IRF2: variants seen among roughly 807,000 people sequenced by gnomAD.
IRF2 encodes interferon regulatory factor 2.
In IRF2, 15 loss-of-function variants were observed where a neutral mutation model predicts 40.6. That is an observed-to-expected ratio of 0.37 (90% CI 0.25 to 0.57). IRF2 has a LOEUF of 0.57. IRF2 is among the 20% of genes least tolerant of loss of function. IRF2 has a pLI of 0.77. For missense variants in IRF2, 317 were observed against 455.7 expected (o/e 0.70, Z 2.77); for synonymous variants, 151 against 165.5 (o/e 0.91, Z 0.67).
At chr4:184,418,349 ATCT>A in intron 4 of IRF2, 136 bp from the exon 5 acceptor site, 1 of 954,766 alleles carries the variant, frequency 1.0e-6, no homozygotes, top group Non-Finnish European at 1.7e-6. Flanking sequence ...TTCCACATGT[ATCT>A]TTCACTGCCT....
In IRF2 at chr4:184,406,232, C is replaced by CT. The variant is rs11309106; in HGVS notation, c.529+1925dup. 9.6e-3 allele frequency among the ~76,000 whole-genome samples: 1,284 copies of CT among 134,386 alleles called. 15 individuals are homozygous for CT. Among genetic ancestry groups the CT allele is most frequent in the African/African-American group, 0.02 (731 of 35,718 alleles). The allele number at this position is 134,386 out of a possible 152,430, so 88.2% of individuals were successfully genotyped here. A position where few individuals can be genotyped will look rare whatever the true frequency, so the allele number is the denominator to read the frequency against. On this transcript the variant is annotated intron_variant, in intron 6 of 8. Transcript: ENST00000393593. ...AGACTCACCCAGAGCTACTTTTTAT[C>CT]TTTTTTTTTTTTTTTTTGAGGCAGT...
rs70959195 is a variant in IRF2 at position 184,419,571 on chromosome 4, G to GAAAA, written c.88-7_88-4dup. 9.6e-3 allele frequency: 8,674 copies of GAAAA among 906,446 alleles called. 14 individuals are homozygous for GAAAA. Among genetic ancestry groups the GAAAA allele is most frequent in the Admixed American group, 0.024 (856 of 36,198 alleles). 56.2% of individuals were successfully genotyped at this position (906,446 alleles called of 1,614,324 possible). On this transcript the variant is annotated splice_polypyrimidine_tract_variant and splice_region_variant and intron_variant, in intron 2 of 8. Coordinates refer to ENST00000393593, the MANE Select transcript of IRF2 (RefSeq NM_002199.4). Reference sequence around the variant, plus strand: ...GGGATCTGAAAAATCTTCTTTTCCTGAAAAAAAAAAAAAAAAAAAAGGTAA... The same window carrying GAAAA: ...GGGATCTGAAAAATCTTCTTTTCCTGAAAAAAAAAAAAAAAAAAAAAAAAGGTAA...
At chr4:184,389,365 CTA>C (rs1048125584) in intron 8 of IRF2, among the ~76,000 whole-genome samples, 1 of 152,182 alleles carries the variant, frequency 6.6e-6, no homozygotes, top group African/African-American at 2.4e-5. Context: ...CCTCAGTCAG[CTA>C]TGATTGCGCC....
At chr4:184,473,271 A>G (rs1212118669) in intron 1 of IRF2, among the ~76,000 whole-genome samples, 2 of 148,796 alleles carry the variant, frequency 1.3e-5, no homozygotes, top group Non-Finnish European at 3.0e-5. Flanking sequence ...GCGCCCCGGG[A>G]CCCCGAGGGG....
intron 6 of IRF2, among the ~76,000 whole-genome samples, chr4:184,401,766 G>C (rs1464393832): frequency 6.6e-6 from 1 of 152,226 alleles, no homozygotes; most frequent in Non-Finnish European, 1.5e-5. Context: ...GGAGGGCGCA[G>C]CGATACCTTG....
intron 1 of IRF2, among the ~76,000 whole-genome samples, chr4:184,461,808 T>G (rs1168391700): frequency 6.6e-6 from 1 of 152,030 alleles, no homozygotes; most frequent in Non-Finnish European, 1.5e-5. Flanking sequence ...TGTAACATTT[T>G]CAATTCACCC....
At chr4:184,440,992 G>A (rs1433054845) in intron 1 of IRF2, among the ~76,000 whole-genome samples, 7 of 152,152 alleles carry the variant, frequency 4.6e-5, no homozygotes, top group South Asian at 2.1e-4. Context: ...GAAACGTCTC[G>A]CCATACCTTG....
chr4:184,428,032 A>C (rs1245317278), intron 2 of IRF2, among the ~76,000 whole-genome samples: 1 of 152,206 alleles, frequency 6.6e-6, no homozygotes, highest in Non-Finnish European at 1.5e-5. Context: ...TAGTTCTAGA[A>C]GTTTTTCATT....
rs975738052 is a variant in IRF2, at chr4:184,411,013, G to A, written c.412-2738C>T. Among the ~76,000 whole-genome samples, 8 of 151,784 alleles carry A rather than the reference G, an allele frequency of 5.3e-5. No homozygotes were observed. The South Asian group carries it at 6.3e-4, about 12-fold the overall frequency. On this transcript the variant is annotated intron_variant, in intron 5 of 8. Transcript: ENST00000393593. ...CCTTGTATCCTGCCCTAATTCCAGC[G>A]GAGACTGAGACACTCTTTTGAACAC...
intron 1 of IRF2, among the ~76,000 whole-genome samples, chr4:184,473,407 G>A (rs930709510): frequency 5.4e-5 from 8 of 147,492 alleles, no homozygotes; most frequent in African/African-American, 2.0e-4. Flanking sequence ...GGACCCGGGG[G>A]CGCACGGCGC....
rs1736126931 is a variant in IRF2, at chr4:184,388,235, ATGGG to A, written c.*519_*522del. ...ATGGGATGGGATGGGATGGGATGGGATGGGATGGGATAGGAAGAGAGGCTGGGGA... is the reference window on the plus strand; with the variant it reads ...ATGGGATGGGATGGGATGGGATGGGAATGGGATAGGAAGAGAGGCTGGGGA... On this transcript the variant is annotated 3_prime_UTR_variant, in exon 9 of 9. Transcript: ENST00000393593. This position sits in a 1 kb window ranked among gnomAD's most constrained non-coding sequence, Gnocchi z 4.6. 3 of 152,188 alleles carry A rather than the reference ATGGG, an allele frequency of 2.0e-5. No homozygotes were observed. The highest frequency in any genetic ancestry group is 2.9e-5 in the Non-Finnish European group (2 of 68,146). 9.4% of individuals were successfully genotyped at this position (152,188 alleles called of 1,614,324 possible). A position where few individuals can be genotyped will look rare whatever the true frequency, so the allele number is the denominator to read the frequency against.
intron 2 of IRF2, 121 bp downstream of exon 2, chr4:184,428,857 C>T: frequency 1.2e-6 from 1 of 823,694 alleles, no homozygotes; most frequent in Non-Finnish European, 2.1e-6. Context: ...TTTGGGTTGG[C>T]TGGTTTTTGT....
chr4:184,439,159 T>C (rs1010105753), intron 1 of IRF2, among the ~76,000 whole-genome samples: 5 of 152,158 alleles, frequency 3.3e-5, no homozygotes, highest in Non-Finnish European at 7.3e-5. Context: ...TTTCAAGCAA[T>C]TCAACCACCA....
rs1429441733 is a variant in IRF2 at position 184,413,243 on chromosome 4, G to A, written c.411+4924C>T. Among the ~76,000 whole-genome samples the A allele has an allele frequency of 6.6e-6, 1 of 152,004 alleles. No homozygotes were observed. Among genetic ancestry groups the A allele is most frequent in the African/African-American group, 2.4e-5 (1 of 41,356 alleles). On this transcript the variant is annotated intron_variant, in intron 5 of 8. Transcript: ENST00000393593. This position sits in a 1 kb window ranked among gnomAD's most constrained non-coding sequence, Gnocchi z 4.2. ...AGGCCTCCCTTACATATCAATTCCC[G>A]CCTGCTCTAAGTGTGCTACAAGGAG...
At chr4:184,437,452 A>G (rs1200290317) in intron 1 of IRF2, among the ~76,000 whole-genome samples, 1 of 151,954 alleles carries the variant, frequency 6.6e-6, no homozygotes, top group African/African-American at 2.4e-5. Flanking sequence ...TCCTACTTCA[A>G]CCTCCCAAAC....
chr4:184,402,426 G>A (rs910740819), intron 6 of IRF2, among the ~76,000 whole-genome samples: 3 of 152,192 alleles, frequency 2.0e-5, no homozygotes, highest in African/African-American at 7.2e-5. Context: ...ACTACGATGG[G>A]CCGCGACCTT....
intron 1 of IRF2, among the ~76,000 whole-genome samples, chr4:184,443,072 C>G (rs536209153): frequency 3.3e-5 from 5 of 152,102 alleles, no homozygotes; most frequent in Non-Finnish European, 7.4e-5. Flanking sequence ...ATTACAGGCA[C>G]GTGCCACCTT....
Position 184,413,355 on chromosome 4 carries a change from G to C in IRF2, c.411+4812C>G, listed in dbSNP as rs530811589. Among the ~76,000 whole-genome samples the C allele has an allele frequency of 3.9e-5, 6 of 152,324 alleles. No individual in the cohort carries two copies. The highest frequency in any genetic ancestry group is 1.4e-4 in the African/African-American group (6 of 41,564). On this transcript the variant is annotated intron_variant, in intron 5 of 8. Coordinates refer to ENST00000393593, the MANE Select transcript of IRF2 (RefSeq NM_002199.4). This position sits in a 1 kb window ranked among gnomAD's most constrained non-coding sequence, Gnocchi z 4.2. ...CCGTTCTGAGCTACCACATGGGAAG[G>C]GAGGATCCCGGGCAGGCAGAATAAG...
intron 1 of IRF2, among the ~76,000 whole-genome samples, chr4:184,470,035 G>A (rs995838213): frequency 1.9e-4 from 29 of 152,122 alleles, no homozygotes; most frequent in Non-Finnish European, 3.1e-4. Context: ...AGTCACTCCC[G>A]CCACCAGAGC....
Sources: allele counts gnomAD v4.1 joint callset (sites outside exome capture counted in the v4.1 genomes callset), GRCh38; gene constraint gnomAD v4.1.1; non-coding constraint Gnocchi (gnomAD v3.1); transcripts MANE v1.5; gene names NCBI Gene and HGNC (gene_info 2026-07-23, HGNC 2026-07-21).